The following MNAT1 variants were observed in gnomAD, a reference collection of about 807,000 sequenced individuals.
MNAT1 encodes MNAT1 component of CDK activating kinase, also known as CDK-activating kinase assembly factor MAT1.
Under a neutral mutation model 42.0 loss-of-function variants are expected in MNAT1, and 43 were observed. The ratio of observed to expected loss-of-function variants is 1.02; its 90% CI spans 0.80 to 1.32. The LOEUF is 1.32. Ranked by LOEUF, MNAT1 falls within the 40% of genes most tolerant of loss-of-function variation. MNAT1 has a pLI of 0.00. For missense variants in MNAT1, 306 were observed against 350.4 expected, an observed-to-expected ratio of 0.87 and a Z score of 1.01; for synonymous variants, 118 against 120.0, an observed-to-expected ratio of 0.98 and a Z score of 0.11.
chr14:60,963,385 AAC>A (rs1478964045), intron 7 of MNAT1, among the ~76,000 whole-genome samples: 1 of 152,160 alleles, frequency 6.6e-6, no homozygotes, highest in Non-Finnish European at 1.5e-5. Flanking sequence ...CCACTCTATA[AAC>A]AGTTTGTCTA....
intron 7 of MNAT1, among the ~76,000 whole-genome samples, chr14:60,932,730 ATT>A (rs1307988844): frequency 6.6e-6 from 1 of 151,980 alleles, no homozygotes; most frequent in Admixed American, 6.6e-5. Flanking sequence ...GTTGTTATCT[ATT>A]TCTTATCCTG....
rs1406805067 is a variant in MNAT1, at chr14:60,933,811, AT to A, written c.810-34412del. ...CACCCTTTGTTACCTTGTATATAGA[AT>A]TTTTTCACTTAAATGAATTCCCCAG... is the stretch of plus-strand genomic sequence containing the variant. On this transcript the variant is annotated intron_variant, in intron 7 of 7. Transcript: ENST00000261245. Among the ~76,000 whole-genome samples the A allele has an allele frequency of 7.2e-5, 11 of 152,170 alleles. No individual in the cohort carries two copies. In the East Asian group the frequency reaches 2.1e-3, roughly 29 times the overall value.
At chr14:60,926,100 G>A (rs991414300) in intron 7 of MNAT1, among the ~76,000 whole-genome samples, 1 of 152,072 alleles carries the variant, frequency 6.6e-6, no homozygotes, top group Non-Finnish European at 1.5e-5. Context: ...GTAGTTAAAA[G>A]GTCTTCTCCA....
intron 1 of MNAT1, among the ~76,000 whole-genome samples, chr14:60,742,180 G>A (rs965611520): frequency 6.6e-6 from 1 of 151,884 alleles, no homozygotes; most frequent in African/African-American, 2.4e-5. Flanking sequence ...TGAACTCAGG[G>A]GTTCAAGGGA....
chr14:60,869,468 A>T (rs887040041), intron 6 of MNAT1, among the ~76,000 whole-genome samples: 2 of 152,168 alleles, frequency 1.3e-5, no homozygotes, highest in Admixed American at 6.5e-5. Flanking sequence ...CTAATGGGAG[A>T]CAGATTCAAA....
chr14:60,779,255 A>G (rs950615235), intron 1 of MNAT1, among the ~76,000 whole-genome samples: 6 of 152,198 alleles, frequency 3.9e-5, no homozygotes, highest in Non-Finnish European at 7.3e-5. Context: ...ATGTACAAAT[A>G]CAGTAGCCAT....
intron 3 of MNAT1, among the ~76,000 whole-genome samples, chr14:60,799,810 C>T (rs1046245851): frequency 6.6e-6 from 1 of 151,826 alleles, no homozygotes; most frequent in African/African-American, 2.4e-5. Flanking sequence ...ATAATTGGTA[C>T]TAGAATTGAT....
At chr14:60,879,861 T>G in intron 7 of MNAT1, 26 bp downstream of exon 7, 1 of 1,603,904 alleles carries the variant, frequency 6.2e-7, no homozygotes, top group Non-Finnish European at 8.5e-7. Flanking sequence ...AACTTTACAT[T>G]GAGGAGCTGA....
At chr14:60,915,508 G>T (rs1048015782) in intron 7 of MNAT1, among the ~76,000 whole-genome samples, 40 of 152,100 alleles carry the variant, frequency 2.6e-4, no homozygotes, top group Admixed American at 2.6e-3. Flanking sequence ...TCAGCACCTT[G>T]TTCACCTCAT....
intron 6 of MNAT1, among the ~76,000 whole-genome samples, chr14:60,829,445 A>C (rs2033154458): frequency 6.6e-6 from 1 of 152,192 alleles, no homozygotes; most frequent in South Asian, 2.1e-4. Flanking sequence ...GAAAATTCAC[A>C]AATAATGAAT....
chr14:60,885,194 C>T (rs2034637729), intron 7 of MNAT1, among the ~76,000 whole-genome samples: 2 of 151,514 alleles, frequency 1.3e-5, no homozygotes, highest in Admixed American at 1.3e-4. Context: ...GTTCTGTAAC[C>T]TTCTTGTACT....
intron 6 of MNAT1, among the ~76,000 whole-genome samples, chr14:60,855,583 G>A (rs1461823696): frequency 6.6e-6 from 1 of 152,114 alleles, no homozygotes; most frequent in African/African-American, 2.4e-5. Flanking sequence ...TGCACTTCCT[G>A]GGTGGAGCGA....
chr14:60,939,196 T>C (rs1171715127), intron 7 of MNAT1, among the ~76,000 whole-genome samples: 2 of 152,220 alleles, frequency 1.3e-5, no homozygotes, highest in South Asian at 2.1e-4. Flanking sequence ...CCTGGATTCA[T>C]TGATTTGTTG....
chr14:60,819,389 T>G lies in MNAT1; in HGVS notation c.687+542T>G, dbSNP rs2032813186. On this transcript the variant is annotated intron_variant, in intron 6 of 7. Coordinates refer to ENST00000261245, the MANE Select transcript of MNAT1 (RefSeq NM_002431.4). ...TGATGTTTTTGTATACTTTTACAGG[T>G]TTTTTTTTTTGTTTAGAAAATATAT... 2.8e-5 allele frequency among the ~76,000 whole-genome samples: 4 copies of G among 141,802 alleles called. No individual in the cohort carries two copies. In the South Asian group the frequency reaches 8.8e-4, roughly 31 times the overall value. 93.0% of individuals were successfully genotyped at this position (141,802 alleles called of 152,430 possible). A position where few individuals can be genotyped will look rare whatever the true frequency, so the allele number is the denominator to read the frequency against.
intron 1 of MNAT1, among the ~76,000 whole-genome samples, chr14:60,786,098 TA>T (rs1431364258): frequency 6.6e-6 from 1 of 151,806 alleles, no homozygotes; most frequent in African/African-American, 2.4e-5. Context: ...AAAAATTGAA[TA>T]AAATAAATAA....
chr14:60,930,917 A>G (rs139478658), intron 7 of MNAT1, among the ~76,000 whole-genome samples: 2 of 152,284 alleles, frequency 1.3e-5, no homozygotes, highest in East Asian at 3.9e-4. Flanking sequence ...CTATCTCAGT[A>G]ACTAGGCTCT....
chr14:60,929,508 TACC>T (rs1160294948), intron 7 of MNAT1, among the ~76,000 whole-genome samples: 1 of 152,096 alleles, frequency 6.6e-6, no homozygotes, highest in African/African-American at 2.4e-5. Context: ...TGCACAGAGA[TACC>T]CAATGGTCCC....
chr14:60,964,828 A>G (rs2036653920), intron 7 of MNAT1, among the ~76,000 whole-genome samples: 1 of 152,244 alleles, frequency 6.6e-6, no homozygotes. Flanking sequence ...ATTAAGGTAG[A>G]AAAGTACAGA....
chr14:60,828,048 A>ATC (rs2033104202), intron 6 of MNAT1, among the ~76,000 whole-genome samples: 3 of 152,158 alleles, frequency 2.0e-5, no homozygotes, highest in Non-Finnish European at 4.4e-5. Context: ...ATTTTTATGA[A>ATC]ATGAATAGCT....
Sources: allele counts gnomAD v4.1 joint callset (sites outside exome capture counted in the v4.1 genomes callset), GRCh38; gene constraint gnomAD v4.1.1; transcripts MANE v1.5; gene names NCBI Gene and HGNC (gene_info 2026-07-23, HGNC 2026-07-21).